AHCTF1: variants seen among roughly 807,000 people sequenced by gnomAD.
AHCTF1 encodes AT-hook containing transcription factor 1.
Under a neutral mutation model 248.4 loss-of-function variants are expected in AHCTF1, and 24 were observed. That is an observed-to-expected ratio of 0.10 (90% CI 0.07 to 0.14). The LOEUF (loss-of-function observed/expected upper bound fraction) is 0.14. Among genes scored for constraint, AHCTF1 ranks in the 10% least tolerant of loss-of-function variants. AHCTF1 has a pLI of 1.00. For synonymous variants in AHCTF1, 786 were observed against 929.8 expected (o/e 0.85, Z 2.81); for missense variants, 2,206 against 2,636.2 (o/e 0.84, Z 3.57).
intron 21 of AHCTF1, among the ~76,000 whole-genome samples, chr1:246,880,746 A>G (rs1456063097): frequency 1.3e-5 from 2 of 152,178 alleles, no homozygotes; most frequent in African/African-American, 4.8e-5. Context: ...AGTTTCCCCC[A>G]TAGCAGGAAA....
chr1:246,852,695 A>C lies in AHCTF1; in HGVS notation c.4563+396T>G, dbSNP rs2103046950. ...ATTTGAACCAGATCAGCAAAAATTAACTTGATAAAACTATGGCTTCTTTAA... is the reference window on the plus strand; with the variant it reads ...ATTTGAACCAGATCAGCAAAAATTACCTTGATAAAACTATGGCTTCTTTAA... On this transcript the variant is annotated intron_variant, in intron 32 of 35. Transcript: ENST00000648844. Among the ~76,000 whole-genome samples, 2 of 152,294 alleles carry C rather than the reference A, an allele frequency of 1.3e-5. 1 individual carries two copies. Among genetic ancestry groups the C allele is most frequent in the Middle Eastern group, 6.8e-3 (2 of 294 alleles).
rs34997839 is a variant in AHCTF1 at position 246,908,323 on chromosome 1, C to CAA, written c.557-567_557-566dup. Among the ~76,000 whole-genome samples, 507 of 101,544 alleles carry CAA rather than the reference C, an allele frequency of 5.0e-3. 5 individuals are homozygous for CAA. The highest frequency in any genetic ancestry group is 0.012 in the African/African-American group (332 of 27,904). The allele number at this position is 101,544 out of a possible 152,430, so 66.6% of individuals were successfully genotyped here. A position where few individuals can be genotyped will look rare whatever the true frequency, so the allele number is the denominator to read the frequency against. ...CAAACCTGAAAAATTCACAGGGATA[C>CAA]AAAAAAAAAAAAAAAAGAGGGGTGG... On this transcript the variant is annotated intron_variant, in intron 4 of 35. Transcript: ENST00000648844.
At chr1:246,841,755 G>A (rs1294499798) in intron 35 of AHCTF1, among the ~76,000 whole-genome samples, 2 of 151,842 alleles carry the variant, frequency 1.3e-5, no homozygotes, top group Non-Finnish European at 2.9e-5. Context: ...GAACTAAACT[G>A]CCCCCACCCT....
At chr1:246,853,581 T>TATTA (rs1183866707) in intron 31 of AHCTF1, among the ~76,000 whole-genome samples, 2 of 152,250 alleles carry the variant, frequency 1.3e-5, no homozygotes, top group Non-Finnish European at 2.9e-5. Flanking sequence ...GCTTGTTCCT[T>TATTA]ATTAATCTGA....
chr1:246,913,097 C>CTTT, intron 4 of AHCTF1, 135 bp downstream of exon 4: 7 of 601,328 alleles, frequency 1.2e-5, no homozygotes, highest in Admixed American at 4.0e-5. Flanking sequence ...TTTAAAATAC[C>CTTT]TTTTTTTTTT....
intron 5 of AHCTF1, among the ~76,000 whole-genome samples, chr1:246,907,214 A>C (rs1021786665): frequency 3.9e-5 from 6 of 152,216 alleles, no homozygotes; most frequent in Non-Finnish European, 8.8e-5. Flanking sequence ...AAATACAGTA[A>C]AATTTTATGA....
chr1:246,863,489 CAGTT>C (rs1343932720), intron 27 of AHCTF1, among the ~76,000 whole-genome samples: 2 of 152,010 alleles, frequency 1.3e-5, no homozygotes, highest in Non-Finnish European at 2.9e-5. Context: ...TGGGAAAAGG[CAGTT>C]TAAAGAGGGA....
In AHCTF1 at chr1:246,880,244, T is replaced by C. The variant is rs528240848; in HGVS notation, c.2661-2942A>G. The stretch of plus-strand genomic sequence containing the variant: ...ATTTGTTATATATATATATAAAATA[T>C]ATAATAGGCATTATATATTTTTAAA... On this transcript the variant is annotated intron_variant, in intron 21 of 35. Transcript: ENST00000648844. Among the ~76,000 whole-genome samples, 5 of 151,086 alleles carry C rather than the reference T, an allele frequency of 3.3e-5. No homozygotes were observed. The South Asian group carries it at 1.0e-3, about 31-fold the overall frequency.
At chr1:246,888,598 T>C (rs1004075504) in intron 17 of AHCTF1, 81 bp from the exon 18 acceptor site, 16 of 1,485,548 alleles carry the variant, frequency 1.1e-5, no homozygotes, top group African/African-American at 8.4e-5. Context: ...ATATTAAAAG[T>C]AATAATCCCA....
intron 32 of AHCTF1, among the ~76,000 whole-genome samples, chr1:246,851,708 A>G (rs1311824107): frequency 6.6e-6 from 1 of 152,232 alleles, no homozygotes; most frequent in Non-Finnish European, 1.5e-5. Context: ...ACAGTCAACA[A>G]AAGCTTGAAA....
intron 27 of AHCTF1, among the ~76,000 whole-genome samples, chr1:246,862,493 A>G (rs1354084163): frequency 2.6e-5 from 4 of 152,002 alleles, no homozygotes; most frequent in African/African-American, 4.8e-5. Context: ...AAAAAAAAAA[A>G]GTGCTTATAT....
intron 1 of AHCTF1, among the ~76,000 whole-genome samples, chr1:246,930,675 A>T (rs1267099358): frequency 6.6e-6 from 1 of 152,090 alleles, no homozygotes; most frequent in Non-Finnish European, 1.5e-5. Flanking sequence ...AGCCTCTCAA[A>T]GTGCTGGGAT....
chr1:246,867,432 T>A, intron 25 of AHCTF1, 81 bp from the exon 26 acceptor site: 1 of 1,037,140 alleles, frequency 9.6e-7, no homozygotes, highest in Non-Finnish European at 1.4e-6. Context: ...ACAGAGGGTT[T>A]TCATTCGTTT....
chr1:246,928,257 C>T (rs541794090), intron 1 of AHCTF1, among the ~76,000 whole-genome samples: 2 of 148,308 alleles, frequency 1.3e-5, no homozygotes, highest in East Asian at 2.0e-4. Context: ...GAGCCGACAT[C>T]GCGCCACTGC....
intron 24 of AHCTF1, among the ~76,000 whole-genome samples, chr1:246,871,709 A>C (rs1481022595): frequency 6.6e-6 from 1 of 151,184 alleles, no homozygotes; most frequent in Admixed American, 6.6e-5. Flanking sequence ...CCTACAGTGC[A>C]TTTTTTTTTG....
rs1357197117 is a variant in AHCTF1 at position 246,857,720 on chromosome 1, A to C, written c.4227T>G (p.Ala1409=). The change falls in exon 30 of 36, where the codon GCT becomes GCG. Residue 1409 remains alanine (A), a synonymous_variant. Coordinates refer to ENST00000648844, the MANE Select transcript of AHCTF1 (RefSeq NM_001323342.2). The part of the protein sequence containing the change: ...NHLSPVQGTE[A]SLCAPSVYEG... Reference sequence around the variant, plus strand: ...CATAGACTGATGGTGCACAAAGAGAAGCTTCAGTTCCTTGAACCGGGCTTA... The same window carrying C: ...CATAGACTGATGGTGCACAAAGAGACGCTTCAGTTCCTTGAACCGGGCTTA... The C allele has an allele frequency of 1.9e-6, 3 of 1,613,522 alleles. No individual in the cohort carries two copies. Among genetic ancestry groups the C allele is most frequent in the Non-Finnish European group, 2.5e-6 (3 of 1,179,986 alleles).
At chr1:246,854,341 C>T (rs994170483) in intron 31 of AHCTF1, among the ~76,000 whole-genome samples, 3 of 149,280 alleles carry the variant, frequency 2.0e-5, no homozygotes, top group African/African-American at 7.4e-5. Context: ...CTGGACCCAA[C>T]AAGTCCATGG....
chr1:246,909,385 C>G (rs1265335544), intron 4 of AHCTF1, among the ~76,000 whole-genome samples: 1 of 128,184 alleles, frequency 7.8e-6, no homozygotes, highest in Admixed American at 9.3e-5. Context: ...CCACTGCACT[C>G]CAGCCTCTCA....
chr1:246,859,642 T>A (rs1211762975), intron 29 of AHCTF1, among the ~76,000 whole-genome samples: 1 of 152,154 alleles, frequency 6.6e-6, no homozygotes, highest in East Asian at 1.9e-4. Flanking sequence ...CAATCACGGC[T>A]CACTGCATCC....
Sources: gnomAD v4.1 joint callset for allele counts (sites outside exome capture counted in the v4.1 genomes callset) on GRCh38, gnomAD v4.1.1 for gene constraint, MANE v1.5 for transcripts, NCBI Gene and HGNC (gene_info 2026-07-23, HGNC 2026-07-21) for gene names.